Variants in ROS1 observed in about 807,000 individuals in gnomAD.
ROS1 encodes the protein proto-oncogene tyrosine-protein kinase ROS.
In ROS1, 263 loss-of-function variants were observed where a neutral mutation model predicts 273.5. That is an observed-to-expected ratio of 0.96 (90% confidence interval 0.87 to 1.06). The LOEUF is 1.06. Among genes scored for constraint, ROS1 ranks in the 50% least tolerant of loss-of-function variants. The pLI is 0.00. For synonymous variants in ROS1, 1,008 were observed against 954.1 expected (o/e 1.06, Z -1.04); for missense variants, 2,833 against 2,751.1 (o/e 1.03, Z -0.67).
chr6:117,317,288 A>G lies in ROS1; in HGVS notation c.5988-16T>C, dbSNP rs781710811. 1 of 1,608,738 alleles carries G rather than the reference A, an allele frequency of 6.2e-7. No homozygotes were observed. Among genetic ancestry groups the G allele is most frequent in the South Asian group, 1.1e-5 (1 of 89,904 alleles). On this transcript the variant is annotated splice_polypyrimidine_tract_variant and intron_variant, in intron 38 of 43. Transcript: ENST00000368507. ...ATTAAATTTGCTGAAAGGTGGAAAG[A>G]CACAGGCTGGATGATATGACAGAAG...
chr6:117,397,114 G>A lies in ROS1; in HGVS notation c.607C>T (p.Pro203Ser), dbSNP rs1298952570. 2 of 1,602,986 alleles carry A rather than the reference G, an allele frequency of 1.2e-6. No individual in the cohort carries two copies. The highest frequency in any genetic ancestry group is 1.7e-6 in the Non-Finnish European group (2 of 1,170,564). Residue 203 changes from proline (P) to serine (S), a missense_variant and splice_region_variant, in exon 8 of 44, where the codon CCT becomes TCT. Coordinates refer to ENST00000368507, the MANE Select transcript of ROS1 (RefSeq NM_001378902.1). Reference sequence around the variant, plus strand: ...TTCCTAATCAAAGGTGCAGTTTCAGGAACTGGAAGAGATAATGGTGACATA... The same window carrying A: ...TTCCTAATCAAAGGTGCAGTTTCAGAAACTGGAAGAGATAATGGTGACATA... ...PSYRTHPHGVPETAPLIRNIE... is the reference protein window; with the variant it reads ...PSYRTHPHGVSETAPLIRNIE...
In ROS1 at chr6:117,394,197, G is replaced by C. The variant is rs1378031096; in HGVS notation, c.1156C>G (p.Leu386Val). The C allele has an allele frequency of 6.3e-7, 1 of 1,595,784 alleles. No individual in the cohort carries two copies. Among genetic ancestry groups the C allele is most frequent in the Non-Finnish European group, 8.5e-7 (1 of 1,172,496 alleles). The change falls in exon 11 of 44, where the codon CTT (leucine) becomes GTT (valine). Residue 386 changes from leucine (L) to valine (V), a missense_variant. Transcript: ENST00000368507. ...ATGATGAAATACATTCTTTGATAAA[G>C]CCAATCTATGGAGATAGAAGAAATT... ...GLISSISIDW[L>V]YQRMYFIMDE...
intron 43 of ROS1, among the ~76,000 whole-genome samples, chr6:117,292,865 T>C (rs1284898367): frequency 1.3e-5 from 2 of 152,210 alleles, no homozygotes; most frequent in Admixed American, 1.3e-4. Context: ...CTCTTTTTTG[T>C]TCTCTCTACA....
intron 1 of ROS1, among the ~76,000 whole-genome samples, chr6:117,425,059 TAAAG>T (rs1313714659): frequency 6.6e-6 from 1 of 152,046 alleles, no homozygotes; most frequent in African/African-American, 2.4e-5. Flanking sequence ...CAAACAGAAA[TAAAG>T]AAATGTACAA....
chr6:117,324,133 A>C (rs1052019489), intron 35 of ROS1, among the ~76,000 whole-genome samples, 199 bp downstream of exon 35: 1 of 152,198 alleles, frequency 6.6e-6, no homozygotes, highest in African/African-American at 2.4e-5. Context: ...TATTTTCCAT[A>C]AAATAGTTAT....
At chr6:117,293,956 G>T (rs142556087) in intron 43 of ROS1, among the ~76,000 whole-genome samples, 1 of 152,210 alleles carries the variant, frequency 6.6e-6, no homozygotes, top group Non-Finnish European at 1.5e-5. Flanking sequence ...AGCACACTAT[G>T]ATCAAGTAAG....
chr6:117,321,092 C>T (rs2128562551), intron 36 of ROS1, 167 bp downstream of exon 36: 1 of 631,720 alleles, frequency 1.6e-6, no homozygotes, highest in East Asian at 3.0e-5. Flanking sequence ...AATTTTCCAT[C>T]CATCCCAGGT....
At chr6:117,316,050 T>G in intron 39 of ROS1, among the ~76,000 whole-genome samples, 1 of 152,164 alleles carries the variant, frequency 6.6e-6, no homozygotes, top group East Asian at 1.9e-4. Flanking sequence ...AACTAAATAG[T>G]TCTAATAATG....
At chr6:117,373,982 A>G (rs1380796637) in intron 18 of ROS1, among the ~76,000 whole-genome samples, 4 of 152,262 alleles carry the variant, frequency 2.6e-5, no homozygotes, top group Non-Finnish European at 4.4e-5. Flanking sequence ...TGCTGAAAGA[A>G]ATCATAGATG....
chr6:117,305,807 T>G (rs1189044185), intron 42 of ROS1, among the ~76,000 whole-genome samples: 1 of 152,200 alleles, frequency 6.6e-6, no homozygotes, highest in Non-Finnish European at 1.5e-5. Flanking sequence ...CTTGTCACCA[T>G]TCTATATCAT....
At chr6:117,291,025 C>T (rs1773799554) in intron 43 of ROS1, among the ~76,000 whole-genome samples, 1 of 152,140 alleles carries the variant, frequency 6.6e-6, no homozygotes, top group African/African-American at 2.4e-5. Context: ...GTCTGTTGCA[C>T]TATTTCTATC....
At chr6:117,322,201 T>G (rs535496971) in intron 35 of ROS1, among the ~76,000 whole-genome samples, 1 of 152,100 alleles carries the variant, frequency 6.6e-6, no homozygotes, top group Non-Finnish European at 1.5e-5. Flanking sequence ...GAAATTCAAT[T>G]TGAAGGGCTA....
At chr6:117,389,216 A>C in intron 13 of ROS1, 134 bp downstream of exon 13, 1 of 993,704 alleles carries the variant, frequency 1.0e-6, no homozygotes, top group Non-Finnish European at 1.5e-6. Flanking sequence ...CTTTTTTTTT[A>C]GCTAAGTAGC....
intron 18 of ROS1, among the ~76,000 whole-genome samples, chr6:117,368,573 G>C (rs954728899): frequency 6.6e-6 from 1 of 152,056 alleles, no homozygotes; most frequent in African/African-American, 2.4e-5. Flanking sequence ...ATGTGACTAC[G>C]GAGCCCTTGA....
At chr6:117,324,239 C>T (rs1006992380) in intron 35 of ROS1, 93 bp downstream of exon 35, 13 of 687,290 alleles carry the variant, frequency 1.9e-5, no homozygotes, top group Non-Finnish European at 3.4e-5. Flanking sequence ...GGCAATATTT[C>T]ATGTGGGAGA....
At chr6:117,419,425 C>A (rs941463558) in intron 1 of ROS1, among the ~76,000 whole-genome samples, 1 of 152,044 alleles carries the variant, frequency 6.6e-6, no homozygotes, top group Non-Finnish European at 1.5e-5. Context: ...CTGTTTTTTT[C>A]TTTAATTTGA....
intron 31 of ROS1, among the ~76,000 whole-genome samples, chr6:117,337,583 C>T (rs1777575667): frequency 6.6e-6 from 1 of 152,030 alleles, no homozygotes; most frequent in Admixed American, 6.6e-5. Context: ...GGACATACAC[C>T]TCTGACTATA....
chr6:117,393,141 C>T, intron 12 of ROS1, 83 bp downstream of exon 12: 1 of 853,978 alleles, frequency 1.2e-6, no homozygotes, highest in Non-Finnish European at 2.0e-6. Context: ...TCTGGTACTA[C>T]AATGTTTCAT....
At chr6:117,353,244 T>C in intron 26 of ROS1, 78 bp from the exon 27 acceptor site, 1 of 1,074,804 alleles carries the variant, frequency 9.3e-7, no homozygotes, top group South Asian at 1.9e-5. Context: ...TATGAAATTT[T>C]TTCTATATTA....
Sources: allele counts gnomAD v4.1 joint callset (sites outside exome capture counted in the v4.1 genomes callset), GRCh38; gene constraint gnomAD v4.1.1; transcripts MANE v1.5; gene names NCBI Gene and HGNC (gene_info 2026-07-23, HGNC 2026-07-21).